KCTD16: variants seen among roughly 807,000 people sequenced by gnomAD.
KCTD16 encodes BTB/POZ domain-containing protein KCTD16.
KCTD16 carries 13 observed loss-of-function variants against 33.2 expected under a neutral mutation model. That is an observed-to-expected ratio of 0.39 (90% CI 0.25 to 0.62). The LOEUF is 0.62. KCTD16 is among the 20% of genes least tolerant of loss of function. The probability of loss-of-function intolerance (pLI) is 0.50; values close to 1 mark genes in which losing one functional copy is unlikely to be tolerated. For synonymous variants in KCTD16, 197 were observed against 195.3 expected, an observed-to-expected ratio of 1.01 and a Z score of -0.07; for missense variants, 441 against 525.1, an observed-to-expected ratio of 0.84 and a Z score of 1.57.
At chr5:144,447,519 C>T (rs1020438839) in intron 3 of KCTD16, among the ~76,000 whole-genome samples, 1 of 151,762 alleles carries the variant, frequency 6.6e-6, no homozygotes, top group African/African-American at 2.4e-5. Flanking sequence ...AACAAACCTG[C>T]ACGTTCCACA....
chr5:144,178,688 T>C (rs1432949986), intron 2 of KCTD16, among the ~76,000 whole-genome samples: 1 of 152,234 alleles, frequency 6.6e-6, no homozygotes, highest in Non-Finnish European at 1.5e-5. Context: ...TAAGATGTTA[T>C]TTTGGAAAGA....
At chr5:144,455,635 A>G (rs1434419275) in intron 3 of KCTD16, among the ~76,000 whole-genome samples, 1 of 152,138 alleles carries the variant, frequency 6.6e-6, no homozygotes, top group African/African-American at 2.4e-5. Flanking sequence ...GGATGGGTTG[A>G]CTGTGATGAG....
intron 3 of KCTD16, among the ~76,000 whole-genome samples, chr5:144,407,370 AT>A (rs534557684): frequency 1.2e-3 from 168 of 145,962 alleles, no homozygotes; most frequent in African/African-American, 2.6e-3. Flanking sequence ...GAGTGACTGT[AT>A]TTTTTTTTTT....
intron 3 of KCTD16, among the ~76,000 whole-genome samples, chr5:144,289,037 CAAAAA>C (rs1755825203): frequency 6.6e-6 from 1 of 151,702 alleles, no homozygotes; most frequent in Non-Finnish European, 1.5e-5. Context: ...AACAAACAAA[CAAAAA>C]AACAAGCAAG....
At chr5:144,441,958 G>A (rs1230561624) in intron 3 of KCTD16, among the ~76,000 whole-genome samples, 8 of 151,218 alleles carry the variant, frequency 5.3e-5, no homozygotes, top group African/African-American at 9.7e-5. Flanking sequence ...TTCTATTCAC[G>A]AACATTTCAA....
chr5:144,295,879 A>G (rs1756021616), intron 3 of KCTD16, among the ~76,000 whole-genome samples: 1 of 152,208 alleles, frequency 6.6e-6, no homozygotes, highest in African/African-American at 2.4e-5. Context: ...AGTCTTTAGA[A>G]GCTGGAAAAG....
chr5:144,339,010 G>A (rs559812748), intron 3 of KCTD16, among the ~76,000 whole-genome samples: 29 of 151,934 alleles, frequency 1.9e-4, no homozygotes, highest in Admixed American at 9.2e-4. Flanking sequence ...CCCCTGGAAC[G>A]TGAGGCAAGA....
intron 3 of KCTD16, among the ~76,000 whole-genome samples, chr5:144,436,624 G>A (rs1215177517): frequency 6.8e-6 from 1 of 147,266 alleles, no homozygotes; most frequent in Admixed American, 6.8e-5. Context: ...TATCGCTCTT[G>A]TCACCCAGGC....
intron 3 of KCTD16, among the ~76,000 whole-genome samples, chr5:144,467,187 C>G (rs1754366656): frequency 6.7e-6 from 1 of 149,616 alleles, no homozygotes; most frequent in Non-Finnish European, 1.5e-5. Flanking sequence ...ATTTTTCTCT[C>G]TGGGTCAGTA....
chr5:144,438,091 A>G (rs1753619893), intron 3 of KCTD16, among the ~76,000 whole-genome samples: 1 of 152,228 alleles, frequency 6.6e-6, no homozygotes, highest in Admixed American at 6.5e-5. Context: ...ACAATATATT[A>G]GTAAAATTAA....
chr5:144,415,804 A>G (rs1457295035), intron 3 of KCTD16, among the ~76,000 whole-genome samples: 2 of 152,204 alleles, frequency 1.3e-5, no homozygotes, highest in Non-Finnish European at 1.5e-5. Context: ...TGGCAGAGGT[A>G]CTGAAAACAA....
In KCTD16 at chr5:144,478,669, T is replaced by A. The variant is rs889133770; in HGVS notation, c.*4555T>A. On this transcript the variant is annotated 3_prime_UTR_variant, in exon 4 of 4. Coordinates refer to ENST00000512467, the MANE Select transcript of KCTD16 (RefSeq NM_020768.4). ...ATGAGGATTGTCTATAGACCTTACTTTGAAAAATTCTGCTGTTTAGGGAAT... is the reference window on the plus strand; with the variant it reads ...ATGAGGATTGTCTATAGACCTTACTATGAAAAATTCTGCTGTTTAGGGAAT... 2 of 152,170 alleles carry A rather than the reference T, an allele frequency of 1.3e-5. No homozygotes were observed. The highest frequency in any genetic ancestry group is 4.8e-5 in the African/African-American group (2 of 41,554). The allele number at this position is 152,170 out of a possible 1,614,324, so 9.4% of individuals were successfully genotyped here.
Position 144,207,060 on chromosome 5 carries a change from C to T in KCTD16, c.346C>T (p.Pro116Ser), listed in dbSNP as rs139231622. The change falls in exon 3 of 4, where the codon CCA becomes TCA. Residue 116 changes from proline (P) to serine (S), a missense_variant. Pro to Ser is a moderately conservative substitution (Grantham distance 74). Around this residue, in one of 3 missense-constraint regions of KCTD16, gnomAD observed 355 missense variants for 413.0 expected, o/e 0.86. Transcript: ENST00000512467. Reference sequence around the variant, plus strand: ...AAGGGAAGCTGAATACTTCCAGCTCCCAGACTTGGTCAAACTCCTGACCCC... The same window carrying T: ...AAGGGAAGCTGAATACTTCCAGCTCTCAGACTTGGTCAAACTCCTGACCCC... ...LKREAEYFQL[P>S]DLVKLLTPDE... The T allele has an allele frequency of 6.2e-7, 1 of 1,613,742 alleles. No individual in the cohort carries two copies. Among genetic ancestry groups the T allele is most frequent in the Non-Finnish European group, 8.5e-7 (1 of 1,179,944 alleles).
intron 3 of KCTD16, among the ~76,000 whole-genome samples, chr5:144,223,347 T>C (rs1561534864): frequency 6.6e-6 from 1 of 152,120 alleles, no homozygotes; most frequent in African/African-American, 2.4e-5. Context: ...ATATGTACTA[T>C]AAATTCTAAA....
chr5:144,399,882 C>A (rs922365214), intron 3 of KCTD16, among the ~76,000 whole-genome samples: 2 of 151,992 alleles, frequency 1.3e-5, no homozygotes, highest in African/African-American at 4.8e-5. Flanking sequence ...AAGGAGTTTC[C>A]GGTGCTAGAA....
chr5:144,378,571 A>G (rs1214735478), intron 3 of KCTD16, among the ~76,000 whole-genome samples: 1 of 152,162 alleles, frequency 6.6e-6, no homozygotes, highest in Non-Finnish European at 1.5e-5. Context: ...ATGCAGGGCT[A>G]CTTCTTTTTT....
chr5:144,225,367 A>G (rs1753898157), intron 3 of KCTD16, among the ~76,000 whole-genome samples: 1 of 152,162 alleles, frequency 6.6e-6, no homozygotes, highest in Admixed American at 6.5e-5. Context: ...CTTCTGGGAT[A>G]CAATCTCTTC....
chr5:144,230,137 G>C (rs563917638), intron 3 of KCTD16, among the ~76,000 whole-genome samples: 3 of 152,122 alleles, frequency 2.0e-5, no homozygotes, highest in Admixed American at 2.0e-4. Context: ...GCAAGACTCT[G>C]CTTCAAAAAA....
At chr5:144,230,465 A>T (rs377027163) in intron 3 of KCTD16, among the ~76,000 whole-genome samples, 3 of 152,228 alleles carry the variant, frequency 2.0e-5, no homozygotes, top group Non-Finnish European at 4.4e-5. Flanking sequence ...CCTTAAGTGG[A>T]TATCATTGGA....
Sources: gnomAD v4.1 joint callset for allele counts (sites outside exome capture counted in the v4.1 genomes callset) on GRCh38, gnomAD v4.1.1 for gene constraint, gnomAD v4.1.1 regional missense constraint, MANE v1.5 for transcripts, NCBI Gene and HGNC (gene_info 2026-07-23, HGNC 2026-07-21) for gene names.